Variants in DAB2IP observed in about 807,000 individuals in gnomAD.
The protein encoded by DAB2IP is DAB2 interacting protein, also known as disabled homolog 2-interacting protein.
Under a neutral mutation model 107.2 loss-of-function variants are expected in DAB2IP, and 28 were observed. The ratio of observed to expected loss-of-function variants is 0.26; its 90% confidence interval spans 0.19 to 0.36. DAB2IP has a LOEUF of 0.36. DAB2IP is among the 10% of genes least tolerant of loss of function. DAB2IP has a pLI of 1.00. For synonymous variants in DAB2IP, 755 were observed against 706.4 expected, an observed-to-expected ratio of 1.07 and a Z score of -1.09; for missense variants, 1,400 against 1,644.7, an observed-to-expected ratio of 0.85 and a Z score of 2.57.
chr9:121,679,022 A>G (rs1433703158), intron 2 of DAB2IP, among the ~76,000 whole-genome samples: 1 of 152,190 alleles, frequency 6.6e-6, no homozygotes, highest in Non-Finnish European at 1.5e-5. Flanking sequence ...GAGGACAGAC[A>G]GCACCGAAGG....
chr9:121,661,704 C>A (rs1467400415), intron 1 of DAB2IP, among the ~76,000 whole-genome samples: 4 of 152,146 alleles, frequency 2.6e-5, no homozygotes, highest in Non-Finnish European at 5.9e-5. Context: ...TGTTTACGGC[C>A]AGGCACCATG....
chr9:121,688,609 G>A (rs1829009188), intron 2 of DAB2IP, among the ~76,000 whole-genome samples: 1 of 152,134 alleles, frequency 6.6e-6, no homozygotes, highest in African/African-American at 2.4e-5. Context: ...CACCCCATCT[G>A]TACACGCTCC....
intron 13 of DAB2IP, among the ~76,000 whole-genome samples, chr9:121,774,946 G>A (rs747196109): frequency 2.0e-5 from 3 of 152,186 alleles, no homozygotes; most frequent in Non-Finnish European, 4.4e-5. Flanking sequence ...ACCAGCTTGG[G>A]GGGTGGGGTC....
chr9:121,585,911 C>G (rs943994984), intron 1 of DAB2IP, among the ~76,000 whole-genome samples: 7 of 152,056 alleles, frequency 4.6e-5, no homozygotes, highest in Non-Finnish European at 1.0e-4. Context: ...ACCAGGAACC[C>G]TAATTACGGA....
At chr9:121,692,622 T>C (rs1480884887) in intron 2 of DAB2IP, among the ~76,000 whole-genome samples, 1 of 152,198 alleles carries the variant, frequency 6.6e-6, no homozygotes, top group African/African-American at 2.4e-5. Context: ...AGGCGGAATA[T>C]GTGGCGATCT....
At chr9:121,695,480 G>T (rs1048728876) in intron 2 of DAB2IP, among the ~76,000 whole-genome samples, 1 of 152,160 alleles carries the variant, frequency 6.6e-6, no homozygotes, top group African/African-American at 2.4e-5. Context: ...TACACATAGG[G>T]ACACTGAGGT....
At chr9:121,755,004 A>C (rs543506058) in intron 3 of DAB2IP, among the ~76,000 whole-genome samples, 2 of 152,080 alleles carry the variant, frequency 1.3e-5, no homozygotes, top group Non-Finnish European at 2.9e-5. Flanking sequence ...TGACTTCCCT[A>C]CTATCAGGCA....
intron 2 of DAB2IP, among the ~76,000 whole-genome samples, chr9:121,690,213 C>G (rs557717783): frequency 6.6e-6 from 1 of 152,290 alleles, no homozygotes; most frequent in South Asian, 2.1e-4. Context: ...AGACTCCAAA[C>G]GTGGTTTTCT....
At chr9:121,581,050 C>G (rs1048589540) in intron 1 of DAB2IP, among the ~76,000 whole-genome samples, 1 of 152,204 alleles carries the variant, frequency 6.6e-6, no homozygotes, top group African/African-American at 2.4e-5. Flanking sequence ...TGGGCTTTAC[C>G]TTGCACTGGG....
chr9:121,768,397 G>C, intron 9 of DAB2IP, 35 bp from the exon 10 acceptor site: 2 of 1,612,438 alleles, frequency 1.2e-6, no homozygotes, highest in Non-Finnish European at 1.7e-6. Context: ...GCCTGCCTGG[G>C]CCCAGTAGTG....
At chr9:121,651,269 C>T (rs1225530249), upstream of DAB2IP, among the ~76,000 whole-genome samples, 2 of 152,242 alleles carry the variant, frequency 1.3e-5, no homozygotes, top group Non-Finnish European at 2.9e-5. This position sits in a 1 kb window ranked among gnomAD's most constrained non-coding sequence, Gnocchi z 5.1. Flanking sequence ...CCCAGCGAGC[C>T]TGGGGCAGGA....
intron 1 of DAB2IP, among the ~76,000 whole-genome samples, chr9:121,654,747 G>C (rs897440990): frequency 1.3e-5 from 2 of 152,212 alleles, no homozygotes; most frequent in African/African-American, 4.8e-5. Flanking sequence ...CCACATGGGG[G>C]CTTGGTCCCA....
At position 121,773,035 on chromosome 9, in the gene DAB2IP, C is replaced by T. The variant is rs141810290; in HGVS notation, c.2507C>T (p.Ala836Val). 15 of 1,611,948 alleles carry T rather than the reference C, an allele frequency of 9.3e-6. No individual in the cohort carries two copies. Among genetic ancestry groups the T allele is most frequent in the East Asian group, 2.2e-5 (1 of 44,876 alleles). Residue 836 changes from alanine to valine, a missense_variant, in exon 12 of 16, where the codon GCG (alanine) becomes GTG (valine). This residue lies in a region of DAB2IP where 600 missense variants were observed against 659.1 expected (regional missense o/e 0.91). Transcript: ENST00000408936. ...TTCCAGAACCCTGTGTACCAGATGG[C>T]GGCTGGCCTGCCGCTGTCACCCCGT...
At chr9:121,657,882 G>A (rs531561276) in intron 1 of DAB2IP, among the ~76,000 whole-genome samples, 1 of 152,170 alleles carries the variant, frequency 6.6e-6, no homozygotes, top group Non-Finnish European at 1.5e-5. Flanking sequence ...CCAGTACCAG[G>A]AGCCAACTGT....
intron 3 of DAB2IP, among the ~76,000 whole-genome samples, chr9:121,728,626 G>C (rs2118845248): frequency 6.6e-6 from 1 of 152,272 alleles, no homozygotes; most frequent in South Asian, 2.1e-4. Context: ...GTATCAGAGA[G>C]GGGCATTAGT....
intron 1 of DAB2IP, among the ~76,000 whole-genome samples, chr9:121,578,559 G>C (rs1396646156): frequency 6.6e-6 from 1 of 151,586 alleles, no homozygotes; most frequent in East Asian, 2.0e-4. Flanking sequence ...CAATTCCCCA[G>C]CTGAGGCCAA....
exon 16 of DAB2IP, chr9:121,785,094 T>A (rs1835919954): frequency 6.6e-6 from 1 of 152,560 alleles, no homozygotes; most frequent in Non-Finnish European, 1.5e-5. Flanking sequence ...ACTTCCATGT[T>A]CTGGGTGATG....
chr9:121,574,607 T>G (rs1830015975), intron 1 of DAB2IP, among the ~76,000 whole-genome samples: 2 of 152,070 alleles, frequency 1.3e-5, no homozygotes, highest in African/African-American at 4.8e-5. Context: ...ACCCCACAGC[T>G]CAGAGGAGAA....
intron 14 of DAB2IP, among the ~76,000 whole-genome samples, chr9:121,777,007 T>C (rs1466152593): frequency 6.6e-6 from 1 of 152,132 alleles, no homozygotes; most frequent in Non-Finnish European, 1.5e-5. Flanking sequence ...ATGCTGACTC[T>C]CATCTTTTTG....
Sources: gnomAD v4.1 joint callset for allele counts (sites outside exome capture counted in the v4.1 genomes callset) on GRCh38, gnomAD v4.1.1 for gene constraint, gnomAD v4.1.1 regional missense constraint, Gnocchi (gnomAD v3.1) non-coding constraint, MANE v1.5 for transcripts, NCBI Gene and HGNC (gene_info 2026-07-23, HGNC 2026-07-21) for gene names.